The following APPL2 variants were observed in gnomAD, a reference collection of about 807,000 sequenced individuals.
APPL2 encodes adaptor protein, phosphotyrosine interacting with PH domain and leucine zipper 2.
Under a neutral mutation model 92.7 loss-of-function variants are expected in APPL2, and 84 were observed. The ratio of observed to expected loss-of-function variants is 0.91; its 90% CI spans 0.76 to 1.09. The LOEUF is 1.09. Among genes scored for constraint, APPL2 ranks in the 50% least tolerant of loss-of-function variants. APPL2 has a pLI of 0.00. For synonymous variants in APPL2, 291 were observed against 291.0 expected, an observed-to-expected ratio of 1.00 and a Z score of 0.00; for missense variants, 736 against 824.5, an observed-to-expected ratio of 0.89 and a Z score of 1.31.
intron 9 of APPL2, among the ~76,000 whole-genome samples, chr12:105,202,807 C>T (rs1888327396): frequency 6.6e-6 from 1 of 152,192 alleles, no homozygotes; most frequent in Non-Finnish European, 1.5e-5. Context: ...TTGCATCTGT[C>T]TCAATGCTCA....
intron 9 of APPL2, among the ~76,000 whole-genome samples, chr12:105,202,930 G>GA (rs1265908272): frequency 6.6e-6 from 1 of 151,856 alleles, no homozygotes; most frequent in African/African-American, 2.4e-5. Context: ...ACATCTTCAA[G>GA]AAAATGAGCA....
At chr12:105,178,604 C>A (rs945850114) in intron 17 of APPL2, among the ~76,000 whole-genome samples, 1 of 152,146 alleles carries the variant, frequency 6.6e-6, no homozygotes, top group South Asian at 2.1e-4. Flanking sequence ...CTTATTAAAC[C>A]GTAAGACTTA....
chr12:105,183,522 G>A (rs1886319633), intron 17 of APPL2, among the ~76,000 whole-genome samples: 1 of 152,150 alleles, frequency 6.6e-6, no homozygotes, highest in Non-Finnish European at 1.5e-5. Flanking sequence ...ATGAAGCTTA[G>A]TTTGGCTGGA....
At chr12:105,232,131 T>C (rs1890968917) in intron 1 of APPL2, among the ~76,000 whole-genome samples, 2 of 152,244 alleles carry the variant, frequency 1.3e-5, no homozygotes, top group Admixed American at 1.3e-4. Flanking sequence ...ACAACTCAAC[T>C]AAATAGCTAT....
At chr12:105,187,616 A>AGAT (rs1335980442) in intron 17 of APPL2, among the ~76,000 whole-genome samples, 3 of 152,248 alleles carry the variant, frequency 2.0e-5, no homozygotes, top group Non-Finnish European at 4.4e-5. Flanking sequence ...GAAAAGTAAC[A>AGAT]GATAAAATTA....
chr12:105,207,831 G>A, intron 7 of APPL2, 140 bp downstream of exon 7: 1 of 709,536 alleles, frequency 1.4e-6, no homozygotes, highest in Non-Finnish European at 2.3e-6. Context: ...TATGAGATTT[G>A]GAATGAACAA....
rs1273351049 is a variant in APPL2 at position 105,208,208 on chromosome 12, G to A, written c.374-9C>T. 1.2e-6 allele frequency: 2 copies of A among 1,614,144 alleles called. No homozygotes were observed. The highest frequency in any genetic ancestry group is 8.5e-7 in the Non-Finnish European group (1 of 1,179,996). On this transcript the variant is annotated splice_polypyrimidine_tract_variant and intron_variant, in intron 5 of 20. Transcript: ENST00000258530. ...CTTTAAAGTGCTTACTTCTGAAAAGGAGAAAAGGGACCGTCTTAGAGCAAT... is the reference window on the plus strand; with the variant it reads ...CTTTAAAGTGCTTACTTCTGAAAAGAAGAAAAGGGACCGTCTTAGAGCAAT...
At chr12:105,186,234 A>G (rs1012302903) in intron 17 of APPL2, among the ~76,000 whole-genome samples, 1 of 152,092 alleles carries the variant, frequency 6.6e-6, no homozygotes, top group Non-Finnish European at 1.5e-5. Context: ...TATATTTACC[A>G]GGATGAGCAT....
chr12:105,200,571 C>G (rs911512038), intron 9 of APPL2, among the ~76,000 whole-genome samples: 1 of 152,198 alleles, frequency 6.6e-6, no homozygotes, highest in Admixed American at 6.5e-5. Flanking sequence ...CTAGACCGCA[C>G]CAGGCCACCC....
At chr12:105,197,996 C>G in intron 10 of APPL2, 43 bp from the exon 11 acceptor site, 1 of 1,581,900 alleles carries the variant, frequency 6.3e-7, no homozygotes, top group African/African-American at 1.4e-5. Context: ...CCAGAAAGCA[C>G]CAGCGGCCAC....
intron 10 of APPL2, among the ~76,000 whole-genome samples, chr12:105,198,746 C>A (rs922581324): frequency 1.3e-5 from 2 of 152,334 alleles, no homozygotes; most frequent in South Asian, 4.1e-4. Context: ...AATCTAACTT[C>A]GTAAAGCAGG....
At chr12:105,226,029 A>G (rs1433196049) in intron 2 of APPL2, among the ~76,000 whole-genome samples, 1 of 152,242 alleles carries the variant, frequency 6.6e-6, no homozygotes. Flanking sequence ...GGAAATTATA[A>G]AACTATCAAT....
chr12:105,234,691 CTA>C (rs1320488752), intron 1 of APPL2, among the ~76,000 whole-genome samples: 1 of 152,164 alleles, frequency 6.6e-6, no homozygotes, highest in Non-Finnish European at 1.5e-5. Flanking sequence ...TCTCACATTG[CTA>C]TCTTCAGATT....
rs1178445187 is a variant in APPL2 at position 105,195,495 on chromosome 12, A to G, written c.1102T>C (p.Cys368Arg). ...ESRKENEEWICAINNISRQIY... is the reference protein window; with the variant it reads ...ESRKENEEWIRAINNISRQIY... ...TGTCTGGAGATGTTGTTTATTGCAC[A>G]TATCCACTGTAGAGGACATTAAAAA... Residue 368 changes from cysteine to arginine, a missense_variant, in exon 13 of 21, where the codon TGT becomes CGT. Transcript: ENST00000258530. 5 of 1,614,222 alleles carry G rather than the reference A, an allele frequency of 3.1e-6. No individual in the cohort carries two copies. The highest frequency in any genetic ancestry group is 2.2e-5 in the East Asian group (1 of 44,884).
intron 2 of APPL2, among the ~76,000 whole-genome samples, chr12:105,222,000 G>A (rs958637886): frequency 3.3e-5 from 5 of 152,158 alleles, no homozygotes; most frequent in African/African-American, 1.2e-4. Context: ...AATCCACATC[G>A]ATCTATACCA....
At chr12:105,225,886 G>A (rs1371475773) in intron 2 of APPL2, among the ~76,000 whole-genome samples, 1 of 152,216 alleles carries the variant, frequency 6.6e-6, no homozygotes, top group Non-Finnish European at 1.5e-5. Flanking sequence ...CGCAATATCA[G>A]CATCCAGAAA....
chr12:105,192,972 A>C (rs1415353421), intron 14 of APPL2, among the ~76,000 whole-genome samples: 2 of 151,830 alleles, frequency 1.3e-5, no homozygotes, highest in African/African-American at 4.8e-5. Context: ...TTCCCCCCCC[A>C]CTGTCATCAA....
At chr12:105,207,807 A>G (rs977443982) in intron 7 of APPL2, among the ~76,000 whole-genome samples, 164 bp downstream of exon 7, 6 of 152,164 alleles carry the variant, frequency 3.9e-5, no homozygotes, top group African/African-American at 1.2e-4. Context: ...AGAATAGAGA[A>G]GTGGAGGTCT....
chr12:105,222,161 T>C (rs991327190), intron 2 of APPL2, among the ~76,000 whole-genome samples: 1 of 152,054 alleles, frequency 6.6e-6, no homozygotes, highest in Non-Finnish European at 1.5e-5. Context: ...GGCTGGAGCG[T>C]CTCATGCGAG....
Sources: gnomAD v4.1 joint callset for allele counts (sites outside exome capture counted in the v4.1 genomes callset) on GRCh38, gnomAD v4.1.1 for gene constraint, MANE v1.5 for transcripts, NCBI Gene and HGNC (gene_info 2026-07-23, HGNC 2026-07-21) for gene names.